HIPK3: variants seen among roughly 807,000 people sequenced by gnomAD.
The protein encoded by HIPK3 is homeodomain-interacting protein kinase 3.
A neutral mutation model predicts 124.2 loss-of-function variants in HIPK3; 47 were observed. The ratio of observed to expected loss-of-function variants is 0.38; its 90% CI spans 0.30 to 0.48. HIPK3 has a LOEUF of 0.48. Ranked by LOEUF, HIPK3 falls within the 20% of genes least tolerant of loss-of-function variation. The pLI, the probability that HIPK3 is intolerant of heterozygous loss-of-function variation, is 0.98. For synonymous variants in HIPK3, 482 were observed against 515.2 expected, an observed-to-expected ratio of 0.94 and a Z score of 0.87; for missense variants, 1,286 against 1,454.3, an observed-to-expected ratio of 0.88 and a Z score of 1.88.
chr11:33,340,964 A>G lies in HIPK3; in HGVS notation c.1614-4A>G, dbSNP rs1853314724. ...CTGTAATACCTTCACTTTTTCTTTT[A>G]CAGTGTAAAGTCCTGTTTTCATATT... On this transcript the variant is annotated splice_polypyrimidine_tract_variant and splice_region_variant and intron_variant, in intron 6 of 16. Transcript: ENST00000303296. 3 of 1,538,514 alleles carry G rather than the reference A, an allele frequency of 1.9e-6. No homozygotes were observed. The highest frequency in any genetic ancestry group is 1.8e-6 in the Non-Finnish European group (2 of 1,127,338).
At chr11:33,347,475 G>A in intron 9 of HIPK3, 61 bp downstream of exon 9, 1 of 1,604,502 alleles carries the variant, frequency 6.2e-7, no homozygotes, top group Non-Finnish European at 8.5e-7. Context: ...TAGTGAAAAT[G>A]ACCTGGATAG....
chr11:33,299,304 T>C (rs1003740274), intron 2 of HIPK3, among the ~76,000 whole-genome samples: 10 of 151,450 alleles, frequency 6.6e-5, no homozygotes, highest in African/African-American at 2.2e-4. Context: ...AAACCCTGTC[T>C]CTACTAAAAA....
chr11:33,347,801 T>C, intron 10 of HIPK3, 48 bp downstream of exon 10: 1 of 1,613,054 alleles, frequency 6.2e-7, no homozygotes, highest in Non-Finnish European at 8.5e-7. Context: ...AGACTAGATC[T>C]TGATTAAAGA....
intron 2 of HIPK3, among the ~76,000 whole-genome samples, chr11:33,298,363 C>A (rs1438822674): frequency 6.6e-6 from 1 of 152,206 alleles, no homozygotes; most frequent in African/African-American, 2.4e-5. Flanking sequence ...AACAAGGCAC[C>A]TGGTTACCCA....
intron 2 of HIPK3, among the ~76,000 whole-genome samples, chr11:33,313,740 T>A (rs1162713178): frequency 6.6e-6 from 1 of 152,212 alleles, no homozygotes; most frequent in African/African-American, 2.4e-5. Flanking sequence ...CAGAGCACCA[T>A]GAGATTACGT....
Position 33,307,733 on chromosome 11 carries a change from G to A in HIPK3, c.1097+20222G>A, listed in dbSNP as rs116349324. Among the ~76,000 whole-genome samples the A allele has an allele frequency of 2.5e-3, 373 of 151,582 alleles. 1 individual carries two copies. The highest frequency in any genetic ancestry group is 8.5e-3 in the African/African-American group (351 of 41,330). On this transcript the variant is annotated intron_variant, in intron 2 of 16. Coordinates refer to ENST00000303296, the MANE Select transcript of HIPK3 (RefSeq NM_005734.5). ...AAGTGTGTTTTGACTTTATATATGT[G>A]CTTGGTTGTTTTATTCTTGTTGGTG... is the stretch of plus-strand genomic sequence containing the variant.
intron 1 of HIPK3, among the ~76,000 whole-genome samples, chr11:33,276,507 C>G (rs985450883): frequency 3.9e-5 from 6 of 152,016 alleles, no homozygotes; most frequent in Admixed American, 1.3e-4. Flanking sequence ...ACGTTCATAT[C>G]TGAGATAGAT....
Position 33,352,381 on chromosome 11 carries a change from CATT to C in HIPK3, c.3171+119_3171+121del. ...TAGTGTTAATGAATTTTTCCCTTCT[CATT>C]ATCCCAAGTGGCTAAAGAGTAACTG... On this transcript the variant is annotated intron_variant, in intron 16 of 16. Coordinates refer to ENST00000303296, the MANE Select transcript of HIPK3 (RefSeq NM_005734.5). 3 of 1,103,752 alleles carry C rather than the reference CATT, an allele frequency of 2.7e-6. 1 individual carries two copies. Among genetic ancestry groups the C allele is most frequent in the Non-Finnish European group, 1.3e-6 (1 of 764,092 alleles). 68.4% of individuals were successfully genotyped at this position (1,103,752 alleles called of 1,614,324 possible). A position where few individuals can be genotyped will look rare whatever the true frequency, so the allele number is the denominator to read the frequency against.
intron 4 of HIPK3, 57 bp downstream of exon 4, chr11:33,337,251 G>A (rs1853178525): frequency 1.9e-6 from 2 of 1,054,872 alleles, no homozygotes; most frequent in Admixed American, 2.5e-5. Flanking sequence ...TGCCTCATAT[G>A]CATGGATAAT....
At chr11:33,307,064 C>A (rs148115106) in intron 2 of HIPK3, among the ~76,000 whole-genome samples, 2 of 152,080 alleles carry the variant, frequency 1.3e-5, no homozygotes, top group Non-Finnish European at 2.9e-5. Flanking sequence ...CTCACATCCC[C>A]AGTGGCTGGG....
At chr11:33,316,318 A>C (rs1852501607) in intron 2 of HIPK3, among the ~76,000 whole-genome samples, 1 of 152,182 alleles carries the variant, frequency 6.6e-6, no homozygotes, top group South Asian at 2.1e-4. Flanking sequence ...TTAAAGTTCC[A>C]CTTGTGGAAA....
chr11:33,334,623 A>C (rs1052257341), intron 3 of HIPK3, among the ~76,000 whole-genome samples: 18 of 149,530 alleles, frequency 1.2e-4, no homozygotes, highest in Non-Finnish European at 2.4e-4. Flanking sequence ...CATAAAATAC[A>C]CTAAAATTAA....
chr11:33,265,821 C>G (rs1850942372), intron 1 of HIPK3, among the ~76,000 whole-genome samples: 2 of 148,960 alleles, frequency 1.3e-5, no homozygotes, highest in African/African-American at 2.5e-5. Context: ...CACGGTGGCT[C>G]ACGCCTGTAA....
chr11:33,286,464 C>A lies in HIPK3; in HGVS notation c.50C>A (p.Ser17Ter). ...VYPPYVYQTQ[S>*]SAFCSVKKLK... ...CCACCATATGTTTATCAAACTCAGT[C>A]AAGTGCCTTTTGTAGTGTGAAGAAA... is the stretch of plus-strand genomic sequence containing the variant. Residue 17 changes from serine (S) to a stop codon, truncating the protein, a stop_gained, in exon 2 of 17, where the codon TCA becomes TAA. Coordinates refer to ENST00000303296, the MANE Select transcript of HIPK3 (RefSeq NM_005734.5). LOFTEE classifies it high-confidence loss of function. 2 of 1,603,864 alleles carry A rather than the reference C, an allele frequency of 1.2e-6. No individual in the cohort carries two copies. The highest frequency in any genetic ancestry group is 2.2e-5 in the South Asian group (2 of 90,750).
chr11:33,331,809 TC>T (rs1020092889), intron 3 of HIPK3, among the ~76,000 whole-genome samples: 13 of 152,230 alleles, frequency 8.5e-5, no homozygotes, highest in Non-Finnish European at 1.8e-4. Flanking sequence ...TTATATTAAC[TC>T]ATTTAATGCT....
intron 1 of HIPK3, among the ~76,000 whole-genome samples, chr11:33,284,139 A>G (rs935299100): frequency 9.9e-5 from 15 of 152,202 alleles, no homozygotes; most frequent in Non-Finnish European, 1.5e-4. Flanking sequence ...TCTGAGTTAA[A>G]GAACTGATGT....
chr11:33,283,154 A>G (rs1851456322), intron 1 of HIPK3, among the ~76,000 whole-genome samples: 1 of 150,162 alleles, frequency 6.7e-6, no homozygotes, highest in Admixed American at 6.7e-5. Flanking sequence ...TCTGCCGCCC[A>G]GGAAGGAGTG....
intron 2 of HIPK3, among the ~76,000 whole-genome samples, chr11:33,308,805 A>G (rs1378907947): frequency 2.7e-5 from 4 of 147,302 alleles, no homozygotes; most frequent in Non-Finnish European, 4.5e-5. Context: ...TTCTATATAT[A>G]TAAGACTTTA....
chr11:33,314,666 A>T (rs1852445162), intron 2 of HIPK3, among the ~76,000 whole-genome samples: 1 of 152,180 alleles, frequency 6.6e-6, no homozygotes, highest in South Asian at 2.1e-4. Context: ...ACACACACAC[A>T]CACAAAAACG....
Sources: allele counts gnomAD v4.1 joint callset (sites outside exome capture counted in the v4.1 genomes callset), GRCh38; gene constraint gnomAD v4.1.1; transcripts MANE v1.5; gene names NCBI Gene and HGNC (gene_info 2026-07-23, HGNC 2026-07-21).